NOL10: variants seen among roughly 807,000 people sequenced by gnomAD.
NOL10 encodes the protein H_NH0074G24.1.
Under a neutral mutation model 103.5 loss-of-function variants are expected in NOL10, and 58 were observed. That is an observed-to-expected ratio of 0.56 (90% CI 0.45 to 0.70). The LOEUF is 0.70. Ranked by LOEUF, NOL10 falls within the 30% of genes least tolerant of loss-of-function variation. NOL10 has a pLI of 0.00. For missense variants in NOL10, 763 were observed against 807.3 expected (o/e 0.95, Z 0.67); for synonymous variants, 287 against 282.5 (o/e 1.02, Z -0.16).
intron 13 of NOL10, among the ~76,000 whole-genome samples, chr2:10,613,841 A>G (rs1676696338): frequency 6.6e-6 from 1 of 152,226 alleles, no homozygotes; most frequent in Non-Finnish European, 1.5e-5. Context: ...GGACACTCTA[A>G]AAATAGATAT....
intron 3 of NOL10, among the ~76,000 whole-genome samples, chr2:10,681,470 G>A (rs970151111): frequency 3.9e-5 from 6 of 152,146 alleles, no homozygotes; most frequent in African/African-American, 1.4e-4. Flanking sequence ...GCATGGGTGG[G>A]AGAAATTTTC....
At chr2:10,627,544 G>A (rs989515809) in intron 13 of NOL10, among the ~76,000 whole-genome samples, 4 of 151,926 alleles carry the variant, frequency 2.6e-5, no homozygotes, top group Non-Finnish European at 5.9e-5. Context: ...GCGTGGTGGC[G>A]GGTGCCTGTA....
In NOL10 at chr2:10,654,480, C is replaced by A; in HGVS notation, c.973+1G>T. 6.3e-7 allele frequency: 1 copy of A among 1,589,252 alleles called. No individual in the cohort carries two copies. The highest frequency in any genetic ancestry group is 8.6e-7 in the Non-Finnish European group (1 of 1,167,282). On this transcript the variant is annotated splice_donor_variant, in intron 12 of 20. Coordinates refer to ENST00000381685, the MANE Select transcript of NOL10 (RefSeq NM_024894.4). LOFTEE classifies it high-confidence loss of function. ...CTGAACGTTCACTACAGAATGCATACCTGAGTTGGGGTAGAGACAAACATC... is the reference window on the plus strand; with the variant it reads ...CTGAACGTTCACTACAGAATGCATAACTGAGTTGGGGTAGAGACAAACATC...
At chr2:10,626,352 A>T (rs1423545714) in intron 13 of NOL10, among the ~76,000 whole-genome samples, 1 of 152,170 alleles carries the variant, frequency 6.6e-6, no homozygotes, top group Non-Finnish European at 1.5e-5. Context: ...TTACATCCTA[A>T]GTGGGCATCA....
chr2:10,609,956 T>C (rs1344998102), intron 13 of NOL10, among the ~76,000 whole-genome samples: 3 of 152,188 alleles, frequency 2.0e-5, no homozygotes, highest in African/African-American at 7.2e-5. Flanking sequence ...AATAAATCTA[T>C]TCATGTACAA....
chr2:10,686,368 G>A (rs1208308763), intron 1 of NOL10, among the ~76,000 whole-genome samples: 1 of 152,188 alleles, frequency 6.6e-6, no homozygotes, highest in Non-Finnish European at 1.5e-5. Context: ...CTGGTCTCGA[G>A]CAGTGAGACT....
intron 12 of NOL10, among the ~76,000 whole-genome samples, chr2:10,653,180 G>C (rs1399760808): frequency 1.3e-5 from 2 of 148,974 alleles, no homozygotes; most frequent in Non-Finnish European, 3.0e-5. Context: ...GGGTGACAGA[G>C]CGAGACTCCA....
At chr2:10,634,321 C>T (rs571070614) in intron 13 of NOL10, among the ~76,000 whole-genome samples, 3 of 152,208 alleles carry the variant, frequency 2.0e-5, no homozygotes, top group East Asian at 1.9e-4. Flanking sequence ...GACTGGATGA[C>T]GAGGCATGAA....
At chr2:10,592,393 C>G (rs1675435229) in intron 17 of NOL10, among the ~76,000 whole-genome samples, 2 of 152,124 alleles carry the variant, frequency 1.3e-5, no homozygotes, top group Admixed American at 1.3e-4. Context: ...AAATCACGCT[C>G]CATTTAGGGC....
intron 1 of NOL10, 111 bp from the exon 2 acceptor site, chr2:10,684,723 A>G (rs1338875255): frequency 5.4e-6 from 4 of 734,332 alleles, no homozygotes; most frequent in East Asian, 2.7e-5. Flanking sequence ...ATAGGAATAT[A>G]TAACATAGGA....
intron 20 of NOL10, among the ~76,000 whole-genome samples, chr2:10,572,720 T>C (rs189138902): frequency 1.8e-3 from 276 of 152,364 alleles, no homozygotes; most frequent in African/African-American, 6.5e-3. Context: ...AAAGAATTTT[T>C]AGCTGTTTCC....
At chr2:10,650,098 AT>A (rs1231379743) in intron 12 of NOL10, among the ~76,000 whole-genome samples, 25 of 152,224 alleles carry the variant, frequency 1.6e-4, no homozygotes, top group African/African-American at 6.0e-4. Context: ...CTTCATAAAT[AT>A]TACTTTAATA....
At chr2:10,656,026 T>C (rs1679826100) in intron 11 of NOL10, among the ~76,000 whole-genome samples, 1 of 151,940 alleles carries the variant, frequency 6.6e-6, no homozygotes, top group African/African-American at 2.4e-5. Context: ...GACAAAAAGG[T>C]GTCAAAGGTG....
At chr2:10,587,765 T>C (rs541443618) in intron 19 of NOL10, among the ~76,000 whole-genome samples, 1 of 152,224 alleles carries the variant, frequency 6.6e-6, no homozygotes, top group African/African-American at 2.4e-5. Flanking sequence ...TAGAAGCTGG[T>C]GAAATAAAGA....
intron 19 of NOL10, 108 bp downstream of exon 19, chr2:10,588,935 C>G: frequency 6.7e-7 from 1 of 1,484,118 alleles, no homozygotes; most frequent in Non-Finnish European, 9.1e-7. Flanking sequence ...CCACCCTCTG[C>G]ACCTCCATCA....
chr2:10,685,978 T>C (rs376431551), intron 1 of NOL10, among the ~76,000 whole-genome samples: 147 of 151,554 alleles, frequency 9.7e-4, no homozygotes, highest in African/African-American at 3.3e-3. Context: ...GCAAGAATCA[T>C]TGAGCCCAGA....
intron 13 of NOL10, among the ~76,000 whole-genome samples, chr2:10,637,859 G>A (rs1012147686): frequency 2.6e-5 from 4 of 152,180 alleles, no homozygotes; most frequent in Non-Finnish European, 4.4e-5. Context: ...CTCATTTGCA[G>A]GCTCCAAGAG....
intron 12 of NOL10, among the ~76,000 whole-genome samples, chr2:10,654,139 A>T (rs1319347088): frequency 1.3e-5 from 2 of 152,084 alleles, no homozygotes; most frequent in African/African-American, 4.8e-5. Context: ...ATTTCCACAC[A>T]CTATTACTAA....
chr2:10,601,343 C>A (rs1194341771), intron 16 of NOL10, among the ~76,000 whole-genome samples: 1 of 152,184 alleles, frequency 6.6e-6, no homozygotes, highest in Non-Finnish European at 1.5e-5. Context: ...GGATTACAGG[C>A]ATGAGCCACC....
Sources: gnomAD v4.1 joint callset for allele counts (sites outside exome capture counted in the v4.1 genomes callset) on GRCh38, gnomAD v4.1.1 for gene constraint, MANE v1.5 for transcripts, NCBI Gene and HGNC (gene_info 2026-07-23, HGNC 2026-07-21) for gene names.